MACROH2A1: variants seen among roughly 807,000 people sequenced by gnomAD.
The protein encoded by MACROH2A1 is core histone macro-H2A.1.
Under a neutral mutation model 31.6 loss-of-function variants are expected in MACROH2A1, and 2 were observed. That is an observed-to-expected ratio of 0.06 (90% confidence interval 0.03 to 0.20). MACROH2A1 has a LOEUF of 0.20. MACROH2A1 is among the 10% of genes least tolerant of loss of function. MACROH2A1 has a pLI of 1.00. For synonymous variants in MACROH2A1, 169 were observed against 189.6 expected (o/e 0.89, Z 0.89); for missense variants, 230 against 474.0 (o/e 0.49, Z 4.78).
intron 2 of MACROH2A1, among the ~76,000 whole-genome samples, chr5:135,386,150 G>A (rs1016832097): frequency 6.6e-6 from 1 of 152,198 alleles, no homozygotes; most frequent in African/African-American, 2.4e-5. Flanking sequence ...ATCGGCTAAG[G>A]GCTGGTCACC....
At chr5:135,356,953 C>T (rs1762248241) in intron 5 of MACROH2A1, 1 of 152,174 alleles carries the variant, frequency 6.6e-6, no homozygotes, top group African/African-American at 2.4e-5. Flanking sequence ...CCTGGCTGAC[C>T]ACCTAAAATG....
intron 2 of MACROH2A1, among the ~76,000 whole-genome samples, chr5:135,387,096 A>G (rs1335422637): frequency 6.6e-6 from 1 of 152,180 alleles, no homozygotes; most frequent in African/African-American, 2.4e-5. Context: ...ACGTACACTA[A>G]CTAGGCAAGA....
At chr5:135,342,187 A>G (rs1393080) in intron 8 of MACROH2A1, among the ~76,000 whole-genome samples, 6,806 of 152,306 alleles carry the variant, frequency 0.045, 523 homozygotes, top group African/African-American at 0.15. Context: ...AGTGGGACAC[A>G]ATCTCAGAGG....
intron 2 of MACROH2A1, among the ~76,000 whole-genome samples, chr5:135,374,000 T>C (rs1320618127): frequency 6.6e-6 from 1 of 152,186 alleles, no homozygotes; most frequent in Non-Finnish European, 1.5e-5. Flanking sequence ...ACACACCTTT[T>C]ATGAGAAGTA....
At chr5:135,348,164 A>G (rs559356202) in intron 6 of MACROH2A1, among the ~76,000 whole-genome samples, 5 of 152,342 alleles carry the variant, frequency 3.3e-5, no homozygotes, top group Admixed American at 6.5e-5. Context: ...ACTCCTACAC[A>G]CACATATGTA....
chr5:135,342,373 T>C lies in MACROH2A1; in HGVS notation c.953+887A>G, dbSNP rs1004868145. Among the ~76,000 whole-genome samples the C allele has an allele frequency of 4.6e-5, 7 of 152,346 alleles. No homozygotes were observed. In the South Asian group the frequency reaches 1.2e-3, roughly 27 times the overall value. On this transcript the variant is annotated intron_variant, in intron 8 of 8. Transcript: ENST00000511689. ...TACATGTCATCACTCACCGGGTTAG[T>C]GGCCAAGCCAGGATGCAACTCCAGG...
At chr5:135,371,551 C>T (rs1283736343) in intron 2 of MACROH2A1, among the ~76,000 whole-genome samples, 3 of 152,226 alleles carry the variant, frequency 2.0e-5, no homozygotes, top group Admixed American at 6.5e-5. Context: ...TTTTCCACAG[C>T]ACCAAAGATG....
At chr5:135,384,694 C>G (rs1766152376) in intron 2 of MACROH2A1, among the ~76,000 whole-genome samples, 1 of 152,178 alleles carries the variant, frequency 6.6e-6, no homozygotes, top group Non-Finnish European at 1.5e-5. Flanking sequence ...ATACTTTAAC[C>G]CTAATGTTAA....
chr5:135,348,316 C>T (rs1020867453), intron 6 of MACROH2A1, among the ~76,000 whole-genome samples: 4 of 152,190 alleles, frequency 2.6e-5, no homozygotes, highest in Non-Finnish European at 5.9e-5. Flanking sequence ...GGCTTATTTG[C>T]CCCCAAGCAT....
chr5:135,374,971 TACCAATG>T (rs745868658), intron 2 of MACROH2A1, among the ~76,000 whole-genome samples: 2 of 152,234 alleles, frequency 1.3e-5, no homozygotes, highest in Non-Finnish European at 2.9e-5. Context: ...TAAGTTTTGT[TACCAATG>T]ACCAATACTA....
chr5:135,339,494 G>A (rs1285952526), intron 8 of MACROH2A1, among the ~76,000 whole-genome samples: 1 of 152,202 alleles, frequency 6.6e-6, no homozygotes, highest in East Asian at 1.9e-4. Context: ...GGACCTCAGA[G>A]AGTCACAGCA....
At chr5:135,396,935 A>T (rs1345148146) in intron 1 of MACROH2A1, among the ~76,000 whole-genome samples, 1 of 152,122 alleles carries the variant, frequency 6.6e-6, no homozygotes, top group East Asian at 1.9e-4. Context: ...AGGGCCCAAA[A>T]GACCTCTAAA....
At chr5:135,392,807 G>A (rs1008170581) in intron 1 of MACROH2A1, among the ~76,000 whole-genome samples, 2 of 152,146 alleles carry the variant, frequency 1.3e-5, no homozygotes, top group Non-Finnish European at 2.9e-5. Context: ...TACTGGCTGT[G>A]CATTTTTGAG....
chr5:135,335,682 G>A (rs867664806), intron 8 of MACROH2A1, among the ~76,000 whole-genome samples: 10 of 152,206 alleles, frequency 6.6e-5, no homozygotes, highest in African/African-American at 2.2e-4. Context: ...GGAGCTGTGG[G>A]CTCTTCAACT....
At chr5:135,355,699 G>A in intron 5 of MACROH2A1, 1 of 202,966 alleles carries the variant, frequency 4.9e-6, no homozygotes, top group Non-Finnish European at 1.0e-5. Context: ...ACAGTGAGAT[G>A]ATCATGAACG....
At chr5:135,389,322 C>A (rs1163372983) in intron 1 of MACROH2A1, 196 bp from the exon 2 acceptor site, 3 of 396,984 alleles carry the variant, frequency 7.6e-6, no homozygotes, top group Non-Finnish European at 9.0e-6. Context: ...TGGCTTTGCA[C>A]AATTTATACC....
chr5:135,352,434 T>C (rs1235585255), intron 6 of MACROH2A1, among the ~76,000 whole-genome samples: 2 of 152,248 alleles, frequency 1.3e-5, no homozygotes, highest in African/African-American at 2.4e-5. Context: ...AAGGTGGCAT[T>C]CAGTCATATA....
At chr5:135,370,800 A>G (rs1331655575) in intron 2 of MACROH2A1, among the ~76,000 whole-genome samples, 1 of 152,248 alleles carries the variant, frequency 6.6e-6, no homozygotes, top group Non-Finnish European at 1.5e-5. Context: ...GATTCTTTTA[A>G]TAAAAGCTAG....
Position 135,334,942 on chromosome 5 carries a change from G to C in MACROH2A1, c.*34C>G, listed in dbSNP as rs750266711. The C allele has an allele frequency of 1.3e-6, 2 of 1,581,806 alleles. No homozygotes were observed. The highest frequency in any genetic ancestry group is 2.3e-5 in the South Asian group (2 of 88,872). Reference sequence around the variant, plus strand: ...TTTTTTCTTTTAAACTGAAGGTGGGGTACATGGTGCAGCTGGTTCTGTCAT... The same window carrying C: ...TTTTTTCTTTTAAACTGAAGGTGGGCTACATGGTGCAGCTGGTTCTGTCAT... On this transcript the variant is annotated 3_prime_UTR_variant, in exon 9 of 9. Coordinates refer to ENST00000511689, the MANE Select transcript of MACROH2A1 (RefSeq NM_138610.3).
Sources: allele counts gnomAD v4.1 joint callset (sites outside exome capture counted in the v4.1 genomes callset), GRCh38; gene constraint gnomAD v4.1.1; transcripts MANE v1.5; gene names NCBI Gene and HGNC (gene_info 2026-07-23, HGNC 2026-07-21).